Variants in ALX3 observed in about 807,000 individuals in gnomAD.
ALX3 encodes homeobox protein aristaless-like 3.
ALX3 carries 17 observed loss-of-function variants against 26.3 expected under a neutral mutation model. The ratio of observed to expected loss-of-function variants is 0.65; its 90% confidence interval spans 0.44 to 0.97. The LOEUF (loss-of-function observed/expected upper bound fraction) is 0.97. Ranked by LOEUF, ALX3 falls within the 50% of genes least tolerant of loss-of-function variation. The pLI is 0.00. For synonymous variants in ALX3, 208 were observed against 201.4 expected (o/e 1.03, Z -0.28); for missense variants, 461 against 466.5 (o/e 0.99, Z 0.11).
chr1:110,064,857 C>T lies in ALX3; in HGVS notation c.324G>A (p.Leu108=). The change falls in exon 2 of 4, where the codon TTG becomes TTA. Residue 108 remains leucine (L), a synonymous_variant. Coordinates refer to ENST00000647563, the MANE Select transcript of ALX3 (RefSeq NM_006492.3). ...CGTCTCTGGGGCCCCCTCGGCAGTC[C>T]AAGGGCAGCTGGGGGAAGCTGGCAG... is the stretch of plus-strand genomic sequence containing the variant. The part of the protein sequence containing the change: ...SKAASFPQLP[L]DCRGGPRDGP... 6.2e-7 allele frequency: 1 copy of T among 1,611,988 alleles called. No homozygotes were observed. The highest frequency in any genetic ancestry group is 8.5e-7 in the Non-Finnish European group (1 of 1,178,992).
At chr1:110,065,197 G>A (rs761197464) in intron 1 of ALX3, among the ~76,000 whole-genome samples, 19 of 152,338 alleles carry the variant, frequency 1.2e-4, no homozygotes, top group Admixed American at 2.0e-4. Context: ...GCGTTCCACA[G>A]GGACGTGAGA....
intron 1 of ALX3, among the ~76,000 whole-genome samples, chr1:110,069,001 C>CT (rs905992641): frequency 1.3e-5 from 2 of 152,196 alleles, no homozygotes; most frequent in Non-Finnish European, 1.5e-5. Flanking sequence ...GGACGCGGGC[C>CT]TGGGGGGGTG....
chr1:110,068,444 G>T (rs1570939968), intron 1 of ALX3, among the ~76,000 whole-genome samples: 1 of 152,226 alleles, frequency 6.6e-6, no homozygotes, highest in Non-Finnish European at 1.5e-5. Context: ...CGGCAAGAGC[G>T]CCAGAGGCTA....
chr1:110,061,693 G>A, intron 2 of ALX3, 130 bp from the exon 3 acceptor site: 1 of 1,378,486 alleles, frequency 7.3e-7, no homozygotes, highest in Admixed American at 2.0e-5. Flanking sequence ...GATCTCAACT[G>A]TTAATCCACA....
In ALX3 at chr1:110,060,984, C is replaced by A. The variant is rs535807605; in HGVS notation, c.781G>T (p.Val261Leu). The change falls in exon 4 of 4, where the codon GTG (valine) becomes TTG (leucine). Residue 261 changes from valine (V) to leucine (L), a missense_variant. By Grantham distance (32) the Val-to-Leu change is conservative (BLOSUM62 1). Around this residue, in one of 3 missense-constraint regions of ALX3, gnomAD observed 169 missense variants for 178.0 expected, o/e 0.95. Coordinates refer to ENST00000647563, the MANE Select transcript of ALX3 (RefSeq NM_006492.3). ...GSGSPGGPCLVSPEGIPSPCM... is the reference protein window; with the variant it reads ...GSGSPGGPCLLSPEGIPSPCM... ...GGGGAGGGGATGCCCTCTGGAGACA[C>A]AAGGCAGGGGCCTCCAGGGCTCCCA... 7.8e-5 allele frequency: 125 copies of A among 1,612,594 alleles called. 1 individual carries two copies. In the South Asian group the frequency reaches 1.3e-3, roughly 17 times the overall value.
chr1:110,065,418 G>A lies in ALX3; in HGVS notation c.278-515C>T, dbSNP rs142733917. The stretch of plus-strand genomic sequence containing the variant: ...GGACGTGGGTGCTCAGACCACCTTT[G>A]GCTGGTCTGGCTGAGCTTTATTCTC... On this transcript the variant is annotated intron_variant, in intron 1 of 3. Transcript: ENST00000647563. Among the ~76,000 whole-genome samples the A allele has an allele frequency of 4.7e-3, 712 of 152,308 alleles. 6 individuals are homozygous for A. Among genetic ancestry groups the A allele is most frequent in the Non-Finnish European group, 7.2e-3 (492 of 68,020 alleles).
At position 110,061,425 on chromosome 1, in the gene ALX3, G is replaced by A; in HGVS notation, c.723+10C>T. On this transcript the variant is annotated intron_variant, in intron 3 of 3. Transcript: ENST00000647563. ...GCCAGGTCCTGGTTCAGGTAGGGCT[G>A]GGGTCTTACCTGAGGGTGGCTGTCA... 6.2e-7 allele frequency: 1 copy of A among 1,614,252 alleles called. No individual in the cohort carries two copies. The highest frequency in any genetic ancestry group is 2.2e-5 in the East Asian group (1 of 44,884).
At chr1:110,066,590 G>A (rs1055232551) in intron 1 of ALX3, among the ~76,000 whole-genome samples, 1 of 61,914 alleles carries the variant, frequency 1.6e-5, no homozygotes, top group Non-Finnish European at 3.1e-5. Flanking sequence ...CCCCGCCCCC[G>A]CCACCCCCAC....
intron 1 of ALX3, 131 bp downstream of exon 1, chr1:110,070,205 C>G (rs1653884288): frequency 1.9e-6 from 2 of 1,071,424 alleles, no homozygotes; most frequent in Admixed American, 4.3e-5. Flanking sequence ...GAAGCCGTGG[C>G]GAAAGGCGAG....
intron 1 of ALX3, among the ~76,000 whole-genome samples, chr1:110,068,295 C>A (rs999529002): frequency 8.8e-4 from 134 of 152,376 alleles, no homozygotes; most frequent in Non-Finnish European, 1.5e-3. Context: ...AAGGCGGGTT[C>A]CCTCTTCGCC....
chr1:110,070,009 G>A (rs1201283672), intron 1 of ALX3, among the ~76,000 whole-genome samples: 1 of 152,158 alleles, frequency 6.6e-6, no homozygotes, highest in African/African-American at 2.4e-5. Flanking sequence ...GTCCAACTTC[G>A]GCAGAGCATG....
Position 110,061,455 on chromosome 1 carries a change from G to A in ALX3, c.703C>T (p.Arg235Cys), listed in dbSNP as rs145535704. ...CTTACCTGAGGGTGGCTGTCAGTAC[G>A]GGGCAGCACAGAGATGTCATAGGCA... ...TAAYDISVLPRTDSHPQLQNS... is the reference protein window; with the variant it reads ...TAAYDISVLPCTDSHPQLQNS... The change falls in exon 3 of 4, where the codon CGT becomes TGT. Residue 235 changes from arginine (R) to cysteine (C), a missense_variant. Physicochemically the swap from Arg to Cys is radical, Grantham distance 180. Coordinates refer to ENST00000647563, the MANE Select transcript of ALX3 (RefSeq NM_006492.3). The A allele has an allele frequency of 2.1e-5, 34 of 1,614,186 alleles. No homozygotes were observed. The African/African-American group carries it at 2.1e-4, about 10-fold the overall frequency.
chr1:110,067,939 C>T lies in ALX3; in HGVS notation c.277+2397G>A, dbSNP rs550433949. ...ATCGGCCGGGTCATCCGGCTCAGGGCCTCAGCGGCAGCGGGCAAAACTCTA... is the reference window on the plus strand; with the variant it reads ...ATCGGCCGGGTCATCCGGCTCAGGGTCTCAGCGGCAGCGGGCAAAACTCTA... On this transcript the variant is annotated intron_variant, in intron 1 of 3. Transcript: ENST00000647563. 1.1e-3 allele frequency among the ~76,000 whole-genome samples: 164 copies of T among 152,376 alleles called. 1 individual carries two copies. The highest frequency in any genetic ancestry group is 3.8e-3 in the African/African-American group (157 of 41,590).
Position 110,069,817 on chromosome 1 carries a change from G to A in ALX3, c.277+519C>T, listed in dbSNP as rs193109057. 5.9e-3 allele frequency among the ~76,000 whole-genome samples: 901 copies of A among 152,272 alleles called. 7 individuals are homozygous for A. The highest frequency in any genetic ancestry group is 0.02 in the African/African-American group (851 of 41,556). The stretch of plus-strand genomic sequence containing the variant: ...TCCTGTGAAGGCTAGGCCCGGGGAG[G>A]AGAGACGGGCCAAGACCAGGCCGCA... On this transcript the variant is annotated intron_variant, in intron 1 of 3. Transcript: ENST00000647563.
intron 1 of ALX3, among the ~76,000 whole-genome samples, chr1:110,067,231 G>A (rs1653812296): frequency 6.6e-6 from 1 of 152,220 alleles, no homozygotes; most frequent in South Asian, 2.1e-4. Flanking sequence ...GCAGCCAGCA[G>A]CTTGAACCTA....
intron 1 of ALX3, among the ~76,000 whole-genome samples, chr1:110,070,083 A>G (rs886795172): frequency 2.6e-5 from 4 of 151,838 alleles, no homozygotes; most frequent in Non-Finnish European, 4.4e-5. Flanking sequence ...TCGCCACTGC[A>G]CCTTCCCTCG....
Position 110,070,366 on chromosome 1 carries a change from C to T in ALX3, c.247G>A (p.Gly83Ser). ...QDLGPGPALN[G>S]GHFYEGPAEA... is the part of the protein sequence containing the mutation. ...GCGGGGCCCTCGTAGAAGTGGCCGC[C>T]GTTGAGGGCCGGGCCGGGCCCGAGG... Residue 83 changes from glycine to serine, a missense_variant, in exon 1 of 4, where the codon GGC becomes AGC. Gly to Ser is a moderately conservative substitution (Grantham distance 56). Around this residue, in one of 3 missense-constraint regions of ALX3, gnomAD observed 241 missense variants for 206.1 expected, o/e 1.17. Coordinates refer to ENST00000647563, the MANE Select transcript of ALX3 (RefSeq NM_006492.3). 1 of 1,289,020 alleles carries T rather than the reference C, an allele frequency of 7.8e-7. No individual in the cohort carries two copies. The highest frequency in any genetic ancestry group is 9.8e-7 in the Non-Finnish European group (1 of 1,018,308). The allele number at this position is 1,289,020 out of a possible 1,614,324, so 79.8% of individuals were successfully genotyped here.
intron 3 of ALX3, 106 bp downstream of exon 3, chr1:110,061,329 C>T: frequency 6.5e-7 from 1 of 1,537,888 alleles, no homozygotes; most frequent in South Asian, 1.1e-5. Flanking sequence ...GTGGTGTACC[C>T]ACTGTCATAC....
intron 1 of ALX3, among the ~76,000 whole-genome samples, chr1:110,067,744 G>T (rs909206266): frequency 6.6e-6 from 1 of 152,222 alleles, no homozygotes; most frequent in Non-Finnish European, 1.5e-5. Flanking sequence ...TGCAGAACTC[G>T]CTGAGGCCCA....
Sources: allele counts gnomAD v4.1 joint callset (sites outside exome capture counted in the v4.1 genomes callset), GRCh38; gene constraint gnomAD v4.1.1; regional missense constraint gnomAD v4.1.1; transcripts MANE v1.5; gene names NCBI Gene and HGNC (gene_info 2026-07-23, HGNC 2026-07-21).